Variants in ZNF521 observed in about 807,000 individuals in gnomAD.
The protein encoded by ZNF521 is LYST-interacting protein 3.
ZNF521 carries 14 observed loss-of-function variants against 105.5 expected under a neutral mutation model. That is an observed-to-expected ratio of 0.13 (90% CI 0.09 to 0.21). ZNF521 has a LOEUF of 0.21. ZNF521 is among the 10% of genes least tolerant of loss of function. The pLI, the probability that ZNF521 is intolerant of heterozygous loss-of-function variation, is 1.00. For synonymous variants in ZNF521, 635 were observed against 606.0 expected (o/e 1.05, Z -0.70); for missense variants, 1,233 against 1,629.7 (o/e 0.76, Z 4.19).
At chr18:25,185,533 C>A (rs1268274394) in intron 5 of ZNF521, among the ~76,000 whole-genome samples, 3 of 151,998 alleles carry the variant, frequency 2.0e-5, no homozygotes, top group Non-Finnish European at 4.4e-5. Flanking sequence ...GCAAATGGAC[C>A]CCAAGGTGTA....
chr18:25,104,778 A>T lies in ZNF521; in HGVS notation c.3659-12697T>A, dbSNP rs146961230. 4.5e-3 allele frequency among the ~76,000 whole-genome samples: 679 copies of T among 152,330 alleles called. 7 individuals carry two copies. The highest frequency in any genetic ancestry group is 0.015 in the African/African-American group (623 of 41,582). ...CATCTCAGAATACAGGAGAAAAGAC[A>T]GTTCAGAAATTGAAACAAGAGTGGG... On this transcript the variant is annotated intron_variant, in intron 5 of 7. Coordinates refer to ENST00000361524, the MANE Select transcript of ZNF521 (RefSeq NM_015461.3).
intron 5 of ZNF521, among the ~76,000 whole-genome samples, chr18:25,160,831 G>A (rs948096640): frequency 2.6e-5 from 4 of 152,136 alleles, no homozygotes; most frequent in Non-Finnish European, 5.9e-5. Context: ...GTGTATATGT[G>A]TGTGTTTTTT....
intron 4 of ZNF521, among the ~76,000 whole-genome samples, chr18:25,221,276 T>C (rs554458903): frequency 2.0e-5 from 3 of 152,332 alleles, no homozygotes; most frequent in Admixed American, 1.3e-4. Context: ...ATCCTTCTTT[T>C]AGTGTTGCAT....
chr18:25,327,474 G>C (rs1913287966), intron 2 of ZNF521: 1 of 1,169,250 alleles, frequency 8.6e-7, no homozygotes, highest in African/African-American at 1.6e-5. Flanking sequence ...GAGAGTATCT[G>C]TTTAAAATAA....
chr18:25,250,750 A>G (rs1908063092), intron 3 of ZNF521, among the ~76,000 whole-genome samples: 1 of 152,248 alleles, frequency 6.6e-6, no homozygotes, highest in Non-Finnish European at 1.5e-5. Context: ...GATTTCCCTC[A>G]AACACAATAA....
intron 5 of ZNF521, among the ~76,000 whole-genome samples, chr18:25,186,190 A>G (rs148576227): frequency 6.6e-6 from 1 of 152,314 alleles, no homozygotes; most frequent in East Asian, 1.9e-4. Context: ...ATCACTGAGT[A>G]TGTCATTGGT....
intron 5 of ZNF521, among the ~76,000 whole-genome samples, chr18:25,122,093 AAGGTGTTCAAT>A (rs2144353387): frequency 6.6e-6 from 1 of 152,348 alleles, no homozygotes; most frequent in Non-Finnish European, 1.5e-5. Context: ...AGAAACACTG[AAGGTGTTCAAT>A]AGGGACATGA....
intron 3 of ZNF521, among the ~76,000 whole-genome samples, chr18:25,317,902 G>A (rs752501283): frequency 1.3e-5 from 2 of 152,092 alleles, no homozygotes; most frequent in Non-Finnish European, 2.9e-5. Flanking sequence ...AAAGGGTTTG[G>A]AAGTTTCTAA....
At chr18:25,065,648 A>C (rs945658809) in intron 7 of ZNF521, among the ~76,000 whole-genome samples, 1 of 152,052 alleles carries the variant, frequency 6.6e-6, no homozygotes, top group Non-Finnish European at 1.5e-5. Context: ...AAAAAAAAAA[A>C]CAGTTTAATT....
Position 25,220,956 on chromosome 18 carries a change from A to G in ZNF521, c.3573+3389T>C, listed in dbSNP as rs569699410. On this transcript the variant is annotated intron_variant, in intron 4 of 7. Transcript: ENST00000361524. ...AACTGCAAGGTGCTTCATGTGTGGA[A>G]ACAGCTAAAGGGCCAGTGTTCTTCC... Among the ~76,000 whole-genome samples the G allele has an allele frequency of 5.3e-5, 8 of 152,318 alleles. No individual in the cohort carries two copies. In the South Asian group the frequency reaches 1.7e-3, roughly 32 times the overall value.
At chr18:25,257,370 A>T (rs1301621320) in intron 3 of ZNF521, among the ~76,000 whole-genome samples, 1 of 152,202 alleles carries the variant, frequency 6.6e-6, no homozygotes, top group African/African-American at 2.4e-5. Context: ...CCCCTGGACA[A>T]CAAGGAAAAC....
At chr18:25,139,627 T>G (rs1038672060) in intron 5 of ZNF521, among the ~76,000 whole-genome samples, 3 of 152,174 alleles carry the variant, frequency 2.0e-5, no homozygotes, top group African/African-American at 7.2e-5. Flanking sequence ...GACCTGCCCA[T>G]TATTACACAC....
intron 3 of ZNF521, among the ~76,000 whole-genome samples, chr18:25,228,988 G>A (rs1038278492): frequency 9.2e-5 from 14 of 152,136 alleles, no homozygotes; most frequent in African/African-American, 3.4e-4. Flanking sequence ...TGGAGCTGGT[G>A]GGGATAGTGT....
At chr18:25,071,804 A>G (rs2033231270) in intron 7 of ZNF521, among the ~76,000 whole-genome samples, 1 of 152,176 alleles carries the variant, frequency 6.6e-6, no homozygotes, top group Admixed American at 6.5e-5. Context: ...CTATCTGGAG[A>G]GACAGGGTGC....
chr18:25,311,911 A>C (rs1037900575), intron 3 of ZNF521, among the ~76,000 whole-genome samples: 1 of 152,236 alleles, frequency 6.6e-6, no homozygotes, highest in Non-Finnish European at 1.5e-5. Flanking sequence ...AAATTAGTCA[A>C]GAAACAGGTG....
intron 5 of ZNF521, among the ~76,000 whole-genome samples, chr18:25,092,477 G>A (rs1567958205): frequency 6.6e-6 from 1 of 152,132 alleles, no homozygotes; most frequent in African/African-American, 2.4e-5. Context: ...TATCCAGAGG[G>A]TCCTGGAAGT....
chr18:25,157,433 G>C (rs2035167436), intron 5 of ZNF521, among the ~76,000 whole-genome samples: 1 of 152,194 alleles, frequency 6.6e-6, no homozygotes, highest in South Asian at 2.1e-4. Flanking sequence ...TTCAAATGAA[G>C]AGCATTAAGA....
intron 5 of ZNF521, among the ~76,000 whole-genome samples, chr18:25,188,660 T>G (rs2035768196): frequency 6.6e-6 from 1 of 152,134 alleles, no homozygotes; most frequent in Non-Finnish European, 1.5e-5. Context: ...CTACCGGAAG[T>G]CAAAGGTGAG....
intron 5 of ZNF521, among the ~76,000 whole-genome samples, chr18:25,170,718 T>C (rs907259548): frequency 1.3e-5 from 2 of 152,158 alleles, no homozygotes; most frequent in Non-Finnish European, 2.9e-5. Flanking sequence ...AAAGATTTTA[T>C]AAAGGAGGCA....
Sources: allele counts gnomAD v4.1 joint callset (sites outside exome capture counted in the v4.1 genomes callset), GRCh38; gene constraint gnomAD v4.1.1; transcripts MANE v1.5; gene names NCBI Gene and HGNC (gene_info 2026-07-23, HGNC 2026-07-21).